The following SEMA3D variants were observed in gnomAD, a reference collection of about 807,000 sequenced individuals.
The protein encoded by SEMA3D is semaphorin 3D.
Under a neutral mutation model 100.1 loss-of-function variants are expected in SEMA3D, and 84 were observed. The ratio of observed to expected loss-of-function variants is 0.84; its 90% confidence interval spans 0.70 to 1.01. SEMA3D has a LOEUF of 1.01. Ranked by LOEUF, SEMA3D falls within the 50% of genes least tolerant of loss-of-function variation. SEMA3D has a pLI of 0.00. For missense variants in SEMA3D, 875 were observed against 934.1 expected (o/e 0.94, Z 0.82); for synonymous variants, 312 against 320.7 (o/e 0.97, Z 0.29).
intron 8 of SEMA3D, among the ~76,000 whole-genome samples, chr7:85,059,614 C>CTT (rs1562800887): frequency 2.0e-5 from 3 of 151,814 alleles, no homozygotes; most frequent in Admixed American, 1.3e-4. Flanking sequence ...AATCTTCTCT[C>CTT]TAGAGAGAAA....
chr7:85,088,798 T>C (rs1332173034), intron 4 of SEMA3D, among the ~76,000 whole-genome samples: 1 of 152,150 alleles, frequency 6.6e-6, no homozygotes, highest in African/African-American at 2.4e-5. Flanking sequence ...AAAATGTGCT[T>C]CAATACAGAA....
At chr7:85,080,312 T>G (rs1469090071) in intron 5 of SEMA3D, among the ~76,000 whole-genome samples, 1 of 152,158 alleles carries the variant, frequency 6.6e-6, no homozygotes, top group Non-Finnish European at 1.5e-5. Flanking sequence ...TTTGAATAAA[T>G]GAATAACAAA....
chr7:85,197,702 A>T, the SEMA3D span, among the ~76,000 whole-genome samples: 1 of 152,198 alleles, frequency 6.6e-6, no homozygotes, highest in African/African-American at 2.4e-5. Flanking sequence ...GACTCTTTTC[A>T]TTGGCAACCC....
At chr7:85,057,551 C>T (rs1254552812) in intron 8 of SEMA3D, among the ~76,000 whole-genome samples, 1 of 152,120 alleles carries the variant, frequency 6.6e-6, no homozygotes, top group Admixed American at 6.5e-5. Flanking sequence ...CTGTGCGCCC[C>T]AGGTGTTATG....
At chr7:85,098,814 C>A (rs1788652170) in intron 3 of SEMA3D, among the ~76,000 whole-genome samples, 1 of 151,880 alleles carries the variant, frequency 6.6e-6, no homozygotes, top group African/African-American at 2.4e-5. Context: ...TAAAAATTGT[C>A]TGTGCTCCAC....
At chr7:85,243,341 T>C in the SEMA3D span, among the ~76,000 whole-genome samples, 5 of 152,162 alleles carry the variant, frequency 3.3e-5, no homozygotes, top group Non-Finnish European at 5.9e-5. Flanking sequence ...TTCACAAAAG[T>C]GTAGGGCTCC....
At chr7:85,184,412 T>C (rs890021175) in intron 1 of SEMA3D, among the ~76,000 whole-genome samples, 1 of 152,210 alleles carries the variant, frequency 6.6e-6, no homozygotes, top group Non-Finnish European at 1.5e-5. Flanking sequence ...ATACAATTTT[T>C]TTTTAAGAAT....
chr7:85,177,986 A>G (rs1398530568), intron 1 of SEMA3D, among the ~76,000 whole-genome samples: 3 of 152,082 alleles, frequency 2.0e-5, no homozygotes, highest in Non-Finnish European at 4.4e-5. Context: ...TTCTCGTGAT[A>G]GTGAGTGAGT....
the SEMA3D span, among the ~76,000 whole-genome samples, chr7:85,197,613 C>A: frequency 1.3e-5 from 2 of 152,094 alleles, no homozygotes; most frequent in African/African-American, 4.8e-5. Flanking sequence ...GTTCTGAGGA[C>A]CTCCTGAGGG....
intron 9 of SEMA3D, among the ~76,000 whole-genome samples, chr7:85,054,318 T>C (rs1037366573): frequency 2.0e-5 from 3 of 152,044 alleles, no homozygotes; most frequent in African/African-American, 4.8e-5. Context: ...TTAACATAGC[T>C]CATTTATACA....
chr7:85,187,049 GTCTT>G lies in SEMA3D; in HGVS notation c.-548_-545del, dbSNP rs1791578159. On this transcript the variant is annotated 5_prime_UTR_variant, in exon 1 of 19. Coordinates refer to ENST00000284136, the MANE Select transcript of SEMA3D (RefSeq NM_001384900.1). ...CAGCAGCTGTCCTGGGAGAGACTCA[GTCTT>G]TCTAAAAAGAGGATGCTGAAAACGC... is the stretch of plus-strand genomic sequence containing the variant. Among the ~76,000 whole-genome samples the G allele has an allele frequency of 6.6e-6, 1 of 152,140 alleles. No homozygotes were observed.
intron 1 of SEMA3D, among the ~76,000 whole-genome samples, chr7:85,159,365 A>AT (rs1790683176): frequency 6.6e-6 from 1 of 152,162 alleles, no homozygotes; most frequent in African/African-American, 2.4e-5. Context: ...TGACTTTAAA[A>AT]TTGGTTCCCA....
chr7:85,167,476 G>A, intron 1 of SEMA3D: 1 of 631,784 alleles, frequency 1.6e-6, no homozygotes, highest in Non-Finnish European at 2.0e-6. Flanking sequence ...TCTATTTGTG[G>A]TAGATTAGTA....
chr7:85,231,489 C>A, the SEMA3D span, among the ~76,000 whole-genome samples: 2 of 100,548 alleles, frequency 2.0e-5, no homozygotes, highest in East Asian at 1.1e-3. Flanking sequence ...GCTCTGTCAC[C>A]CAGGCTGGAG....
At chr7:85,193,965 A>G in the SEMA3D span, among the ~76,000 whole-genome samples, 1 of 152,108 alleles carries the variant, frequency 6.6e-6, no homozygotes, top group Non-Finnish European at 1.5e-5. Context: ...CAGACTAGGT[A>G]CTTTAAAAAC....
chr7:85,067,430 A>G (rs1791658769), intron 7 of SEMA3D, among the ~76,000 whole-genome samples: 1 of 152,196 alleles, frequency 6.6e-6, no homozygotes, highest in Non-Finnish European at 1.5e-5. Flanking sequence ...TGTCACTTCA[A>G]AGCAAAATCA....
chr7:85,047,272 A>G (rs868197533), intron 9 of SEMA3D, among the ~76,000 whole-genome samples: 3 of 152,060 alleles, frequency 2.0e-5, no homozygotes, highest in Middle Eastern at 3.4e-3. Context: ...ACGAATTACT[A>G]AGATCTTCTA....
the SEMA3D span, among the ~76,000 whole-genome samples, chr7:85,199,994 T>G: frequency 1.3e-5 from 2 of 152,180 alleles, no homozygotes; most frequent in Non-Finnish European, 2.9e-5. Flanking sequence ...GCCATCCACG[T>G]AAGATGTGAT....
Position 85,042,092 on chromosome 7 carries a change from G to C in SEMA3D, c.976+79C>G, listed in dbSNP as rs145361872. The C allele has an allele frequency of 1.1e-4, 114 of 995,006 alleles. No individual in the cohort carries two copies. The East Asian group carries it at 2.7e-3, about 23-fold the overall frequency. The allele number at this position is 995,006 out of a possible 1,614,324, so 61.6% of individuals were successfully genotyped here. A position where few individuals can be genotyped will look rare whatever the true frequency, so the allele number is the denominator to read the frequency against. ...TCAGGTAAAATTAATCAGGCATTTG[G>C]AGCCAAAGGGAAATAAATGCCAAGT... On this transcript the variant is annotated intron_variant, in intron 10 of 18. Transcript: ENST00000284136.
Sources: gnomAD v4.1 joint callset for allele counts (sites outside exome capture counted in the v4.1 genomes callset) on GRCh38, gnomAD v4.1.1 for gene constraint, MANE v1.5 for transcripts, NCBI Gene and HGNC (gene_info 2026-07-23, HGNC 2026-07-21) for gene names.